The following PKIG variants were observed in gnomAD, a reference collection of about 807,000 sequenced individuals.
PKIG encodes protein kinase (cAMP-dependent, catalytic) inhibitor gamma.
PKIG carries 1 observed loss-of-function variant against 6.8 expected under a neutral mutation model. That is an observed-to-expected ratio of 0.15 (90% CI 0.05 to 0.69). The LOEUF (loss-of-function observed/expected upper bound fraction) is 0.69. PKIG is among the 30% of genes least tolerant of loss of function. The pLI is 0.82. For missense variants in PKIG, 77 were observed against 104.0 expected (o/e 0.74, Z 1.13); for synonymous variants, 39 against 43.0 (o/e 0.91, Z 0.36).
rs537276273 is a variant in PKIG, at chr20:44,586,682, A to G, written c.-93-3115A>G. 2.6e-5 allele frequency among the ~76,000 whole-genome samples: 4 copies of G among 152,278 alleles called. No homozygotes were observed. The East Asian group carries it at 7.7e-4, about 29-fold the overall frequency. On this transcript the variant is annotated intron_variant, in intron 1 of 3. Transcript: ENST00000372886. ...AGAAGCAATTCCTAAGTGGAGACTG[A>G]GGTGGAAAATCTAAAGTTCTGGGAA...
At chr20:44,544,208 C>T (rs962567436) in intron 1 of PKIG, among the ~76,000 whole-genome samples, 10 of 152,092 alleles carry the variant, frequency 6.6e-5, no homozygotes. Flanking sequence ...AATGTGATGC[C>T]CTGATGGGCT....
chr20:44,616,346 T>C (rs991915182), intron 3 of PKIG, among the ~76,000 whole-genome samples: 15 of 152,184 alleles, frequency 9.9e-5, no homozygotes, highest in African/African-American at 3.6e-4. Context: ...CCTCGGTGCC[T>C]GGTGGTGTTT....
At chr20:44,606,839 GTTTGCCCCTT>G (rs2065167688) in intron 2 of PKIG, among the ~76,000 whole-genome samples, 1 of 152,194 alleles carries the variant, frequency 6.6e-6, no homozygotes, top group Non-Finnish European at 1.5e-5. Flanking sequence ...GAGGGAGTGA[GTTTGCCCCTT>G]TTTGCCTTTC....
Position 44,619,004 on chromosome 20 carries a change from G to A in PKIG, c.*640G>A, listed in dbSNP as rs1349199676. The A allele has an allele frequency of 1.3e-5, 2 of 153,850 alleles. No homozygotes were observed. Among genetic ancestry groups the A allele is most frequent in the African/African-American group, 2.4e-5 (1 of 41,446 alleles). The allele number at this position is 153,850 out of a possible 1,614,324, so 9.5% of individuals were successfully genotyped here. On this transcript the variant is annotated 3_prime_UTR_variant, in exon 4 of 4. Coordinates refer to ENST00000372886, the MANE Select transcript of PKIG (RefSeq NM_001281445.2). Reference sequence around the variant, plus strand: ...TGTCCACCAGGATAAGTGACACCTAGGACCCAGGAAATAAATGCCGATGAT... The same window carrying A: ...TGTCCACCAGGATAAGTGACACCTAAGACCCAGGAAATAAATGCCGATGAT...
chr20:44,534,553 C>T (rs1327367419), intron 1 of PKIG, among the ~76,000 whole-genome samples: 1 of 151,630 alleles, frequency 6.6e-6, no homozygotes, highest in African/African-American at 2.4e-5. Flanking sequence ...ACTGCAGCCT[C>T]TGCCTCCTGT....
chr20:44,578,198 G>A (rs532488066), upstream of PKIG, among the ~76,000 whole-genome samples: 4 of 151,768 alleles, frequency 2.6e-5, no homozygotes, highest in Admixed American at 6.6e-5. Context: ...AAAATTAGCC[G>A]GGCATGGTGG....
intron 1 of PKIG, among the ~76,000 whole-genome samples, chr20:44,547,866 A>G (rs1160288712): frequency 6.6e-6 from 1 of 152,062 alleles, no homozygotes; most frequent in East Asian, 1.9e-4. Flanking sequence ...GTTGGTTTTA[A>G]TGGAGAACCC....
intron 1 of PKIG, among the ~76,000 whole-genome samples, chr20:44,535,528 C>T (rs2064504750): frequency 6.6e-6 from 1 of 152,126 alleles, no homozygotes; most frequent in Admixed American, 6.5e-5. Flanking sequence ...GTAGTCCCAG[C>T]TACTTGGGAA....
upstream of PKIG, among the ~76,000 whole-genome samples, chr20:44,580,866 C>T (rs765469193): frequency 2.3e-4 from 35 of 152,152 alleles, no homozygotes; most frequent in Non-Finnish European, 2.2e-4. Context: ...AGTAAAGCTC[C>T]GGTCCTACCT....
chr20:44,605,712 A>T (rs1600895216), intron 2 of PKIG, among the ~76,000 whole-genome samples: 1 of 151,752 alleles, frequency 6.6e-6, no homozygotes, highest in African/African-American at 2.4e-5. Context: ...CCAGGAGTTC[A>T]AAACCAGCCT....
intron 2 of PKIG, among the ~76,000 whole-genome samples, chr20:44,609,740 C>T (rs1338841532): frequency 2.0e-5 from 3 of 152,140 alleles, no homozygotes; most frequent in East Asian, 1.9e-4. Flanking sequence ...GAGCCGAGGA[C>T]TCGGAGGCTC....
intron 1 of PKIG, among the ~76,000 whole-genome samples, chr20:44,588,920 A>G (rs2065011990): frequency 6.6e-6 from 1 of 152,242 alleles, no homozygotes; most frequent in Non-Finnish European, 1.5e-5. Context: ...AAAGTTATAC[A>G]TGCCTCTTTA....
intron 1 of PKIG, among the ~76,000 whole-genome samples, chr20:44,566,633 G>A (rs2064813219): frequency 6.6e-6 from 1 of 152,120 alleles, no homozygotes; most frequent in African/African-American, 2.4e-5. Flanking sequence ...ATCACTTAAG[G>A]CCAGGGGTTC....
At position 44,593,360 on chromosome 20, in the gene PKIG, AATCAACAC is replaced by A. The variant is rs1236393136; in HGVS notation, c.-24+3496_-24+3503del. On this transcript the variant is annotated intron_variant, in intron 2 of 3. Coordinates refer to ENST00000372886, the MANE Select transcript of PKIG (RefSeq NM_001281445.2). ...AAAAAAAAAATTATAATGCTATAATAATCAACACACACACACACACACACACACACACA... is the reference window on the plus strand; with the variant it reads ...AAAAAAAAAATTATAATGCTATAATAACACACACACACACACACACACACA... 6.4e-5 allele frequency among the ~76,000 whole-genome samples: 7 copies of A among 109,744 alleles called. No individual in the cohort carries two copies. In the East Asian group the frequency reaches 7.5e-4, roughly 12 times the overall value. The allele number at this position is 109,744 out of a possible 152,430, so 72.0% of individuals were successfully genotyped here.
chr20:44,611,141 G>T (rs1407763171), intron 2 of PKIG, among the ~76,000 whole-genome samples: 2 of 147,654 alleles, frequency 1.4e-5, no homozygotes, highest in Admixed American at 6.9e-5. Flanking sequence ...GGCAGTCTCC[G>T]CCTCATGGGT....
At chr20:44,543,937 G>A (rs1313546482) in intron 1 of PKIG, among the ~76,000 whole-genome samples, 2 of 151,916 alleles carry the variant, frequency 1.3e-5, no homozygotes, top group South Asian at 2.1e-4. Flanking sequence ...GATGGTAGAC[G>A]CCTGTAGTCC....
chr20:44,571,941 T>G (rs1413928376), intron 1 of PKIG, among the ~76,000 whole-genome samples: 1 of 149,474 alleles, frequency 6.7e-6, no homozygotes, highest in African/African-American at 2.6e-5. Context: ...CCTTTAATCA[T>G]CGTAGAAACG....
chr20:44,613,388 G>C (rs1474761401), intron 2 of PKIG, among the ~76,000 whole-genome samples: 2 of 152,074 alleles, frequency 1.3e-5, no homozygotes, highest in African/African-American at 4.8e-5. Context: ...GGATGGTCTT[G>C]ATCTAGAACT....
chr20:44,576,023 G>A (rs376688773), intron 1 of PKIG, among the ~76,000 whole-genome samples: 7 of 151,946 alleles, frequency 4.6e-5, no homozygotes, highest in East Asian at 1.9e-4. Context: ...TCTATCTTCC[G>A]GAAATTATTT....
Sources: gnomAD v4.1 joint callset for allele counts (sites outside exome capture counted in the v4.1 genomes callset) on GRCh38, gnomAD v4.1.1 for gene constraint, MANE v1.5 for transcripts, NCBI Gene and HGNC (gene_info 2026-07-23, HGNC 2026-07-21) for gene names.